Variants in NAV1 observed in about 807,000 individuals in gnomAD.
The protein encoded by NAV1 is pore membrane and/or filament interacting like protein 3.
In NAV1, 18 loss-of-function variants were observed where a neutral mutation model predicts 175.2. That is an observed-to-expected ratio of 0.10 (90% confidence interval 0.07 to 0.15). The LOEUF is 0.15. NAV1 is among the 10% of genes least tolerant of loss of function. The pLI is 1.00. For synonymous variants in NAV1, 897 were observed against 978.7 expected (o/e 0.92, Z 1.56); for missense variants, 1,731 against 2,436.6 (o/e 0.71, Z 6.10).
chr1:201,797,247 C>T (rs1677513967), intron 15 of NAV1: 1 of 152,134 alleles, frequency 6.6e-6, no homozygotes, highest in South Asian at 2.1e-4. Flanking sequence ...ATTTTTTCCC[C>T]CACTGAATTG....
At chr1:201,546,836 A>G (rs2102447589) in intron 1 of NAV1, among the ~76,000 whole-genome samples, 1 of 151,212 alleles carries the variant, frequency 6.6e-6, no homozygotes, top group South Asian at 2.1e-4. Flanking sequence ...CCCGGGAAGC[A>G]GAAGTTGCAG....
At chr1:201,544,765 A>G (rs1054118719) in intron 1 of NAV1, among the ~76,000 whole-genome samples, 1 of 152,212 alleles carries the variant, frequency 6.6e-6, no homozygotes, top group African/African-American at 2.4e-5. Flanking sequence ...ACAGAGTGTC[A>G]GCCTTTCAAT....
intron 2 of NAV1, among the ~76,000 whole-genome samples, chr1:201,597,341 A>G (rs1421188478): frequency 6.6e-6 from 1 of 152,214 alleles, no homozygotes; most frequent in Non-Finnish European, 1.5e-5. Context: ...AGCATTTCTC[A>G]GGATTCACAC....
rs549280621 is a variant in NAV1, at chr1:201,590,825, G to T, written c.-33+2176G>T. ...GGAAGGAGTGGCTGTGTGGAATGGG[G>T]TGGGATAGGTGTTAGAAGGGCGGAC... is the stretch of plus-strand genomic sequence containing the variant. On this transcript the variant is annotated intron_variant, in intron 2 of 33. Coordinates refer to the NAV1 transcript ENST00000685211. 1.3e-4 allele frequency among the ~76,000 whole-genome samples: 20 copies of T among 152,322 alleles called. No individual in the cohort carries two copies. The South Asian group carries it at 3.9e-3, about 30-fold the overall frequency.
chr1:201,674,908 C>T (rs192569219), intron 1 of NAV1, among the ~76,000 whole-genome samples: 3 of 151,910 alleles, frequency 2.0e-5, no homozygotes, highest in Admixed American at 1.3e-4. Context: ...GGTGTGGTGG[C>T]GCGCACCTGT....
chr1:201,788,385 C>T lies in NAV1; in HGVS notation c.2996-83C>T. On this transcript the variant is annotated intron_variant, in intron 9 of 29. Coordinates refer to ENST00000367296, the Ensembl canonical transcript of NAV1. The surrounding 1 kb of genome is among the most constrained non-coding windows in gnomAD (Gnocchi z 5.7). ...CTCATGCTCCCGGTGCTCCATCCCC[C>T]AAGGGCCCGGAGAGCTGATGACCCT... The T allele has an allele frequency of 6.8e-7, 1 of 1,469,134 alleles. No homozygotes were observed. Among genetic ancestry groups the T allele is most frequent in the Non-Finnish European group, 9.5e-7 (1 of 1,057,754 alleles). The allele number at this position is 1,469,134 out of a possible 1,614,324, so 91.0% of individuals were successfully genotyped here.
intron 3 of NAV1, among the ~76,000 whole-genome samples, chr1:201,726,423 G>A (rs1158712825): frequency 6.6e-6 from 1 of 151,984 alleles, no homozygotes; most frequent in African/African-American, 2.4e-5. Flanking sequence ...GTGGGTAGAT[G>A]TCCTGAGGTC....
intron 17 of NAV1, 132 bp downstream of exon 21, chr1:201,804,629 TA>T (rs1182646959): frequency 1.2e-6 from 1 of 838,454 alleles, no homozygotes; most frequent in East Asian, 2.7e-5. Context: ...ACACTAACTG[TA>T]ACAACCACCC....
intron 1 of NAV1, among the ~76,000 whole-genome samples, chr1:201,682,255 C>T (rs1670496264): frequency 5.3e-5 from 8 of 151,860 alleles, no homozygotes; most frequent in Admixed American, 4.6e-4. Flanking sequence ...CATTGCACTC[C>T]AGCCTGGGCA....
intron 3 of NAV1, among the ~76,000 whole-genome samples, chr1:201,754,661 A>C (rs1475443839): frequency 6.6e-6 from 1 of 152,220 alleles, no homozygotes; most frequent in African/African-American, 2.4e-5. Flanking sequence ...CATGTGGCTC[A>C]TGAGTGATGA....
intron 2 of NAV1, among the ~76,000 whole-genome samples, chr1:201,601,091 G>A (rs920469602): frequency 1.3e-5 from 2 of 152,212 alleles, no homozygotes; most frequent in African/African-American, 2.4e-5. Context: ...AGCTGGAGGA[G>A]TCTTCAGACT....
intron 1 of NAV1, among the ~76,000 whole-genome samples, chr1:201,587,380 T>A (rs1667065517): frequency 6.6e-6 from 1 of 152,114 alleles, no homozygotes; most frequent in Non-Finnish European, 1.5e-5. Flanking sequence ...AAGGGTCTAG[T>A]ATCTAGAATA....
chr1:201,776,888 G>A (rs1675987919), intron 3 of NAV1, among the ~76,000 whole-genome samples: 1 of 151,992 alleles, frequency 6.6e-6, no homozygotes, highest in South Asian at 2.1e-4. Flanking sequence ...CCACACCAAG[G>A]CACATCATTA....
chr1:201,642,371 C>T (rs148229936), intron 2 of NAV1, among the ~76,000 whole-genome samples: 1,725 of 152,016 alleles, frequency 0.011, 37 homozygotes, highest in African/African-American at 0.039. Flanking sequence ...CGCCACCACA[C>T]CCAGCTAATT....
At chr1:201,660,285 A>G (rs1558045038) in intron 1 of NAV1, among the ~76,000 whole-genome samples, 2 of 152,152 alleles carry the variant, frequency 1.3e-5, no homozygotes, top group African/African-American at 4.8e-5. Flanking sequence ...CCTCAGCTGT[A>G]GTGGCGGGGC....
exon 11 of NAV1, chr1:201,789,759 C>G: frequency 6.2e-7 from 1 of 1,614,128 alleles, no homozygotes; most frequent in Non-Finnish European, 8.5e-7. Context: ...CAGTGCTGTC[C>G]CTGGCCTCCA....
chr1:201,688,515 G>C (rs899141276), intron 1 of NAV1: 1 of 152,202 alleles, frequency 6.6e-6, no homozygotes, highest in Non-Finnish European at 1.5e-5. Flanking sequence ...CACATAACCT[G>C]ATCAGAGCTG....
intron 1 of NAV1, among the ~76,000 whole-genome samples, chr1:201,675,695 G>A (rs1213333742): frequency 2.0e-5 from 3 of 152,126 alleles, no homozygotes; most frequent in African/African-American, 4.8e-5. Context: ...ACAAAGCGAT[G>A]GAATTTGAGG....
chr1:201,704,436 G>T (rs769200230), intron 1 of NAV1, among the ~76,000 whole-genome samples: 5 of 152,236 alleles, frequency 3.3e-5, no homozygotes, highest in Admixed American at 6.5e-5. Context: ...GCTGGACTGG[G>T]GCTGGGTTCT....
Sources: allele counts gnomAD v4.1 joint callset (sites outside exome capture counted in the v4.1 genomes callset), GRCh38; gene constraint gnomAD v4.1.1; non-coding constraint Gnocchi (gnomAD v3.1); transcripts MANE v1.5; gene names NCBI Gene and HGNC (gene_info 2026-07-23, HGNC 2026-07-21).